CPXM2: variants seen among roughly 807,000 people sequenced by gnomAD.
CPXM2 encodes the protein inactive carboxypeptidase-like protein X2.
A neutral mutation model predicts 86.1 loss-of-function variants in CPXM2; 66 were observed. The ratio of observed to expected loss-of-function variants is 0.77; its 90% CI spans 0.63 to 0.94. CPXM2 has a LOEUF of 0.94. Among genes scored for constraint, CPXM2 ranks in the 40% least tolerant of loss-of-function variants. CPXM2 has a pLI of 0.00. For synonymous variants in CPXM2, 388 were observed against 400.2 expected (o/e 0.97, Z 0.36); for missense variants, 948 against 1,026.3 (o/e 0.92, Z 1.04).
chr10:123,861,120 C>A (rs1007273718), intron 3 of CPXM2, among the ~76,000 whole-genome samples: 7 of 152,258 alleles, frequency 4.6e-5, no homozygotes, highest in Admixed American at 4.6e-4. Context: ...ACAGCAGCTG[C>A]CCCTAGCACA....
chr10:123,917,979 G>A, intron 2 of CPXM2, among the ~76,000 whole-genome samples: 1 of 152,174 alleles, frequency 6.6e-6, no homozygotes, highest in East Asian at 1.9e-4. Flanking sequence ...TTAAAACAGG[G>A]TGATGTGTTC....
chr10:123,837,410 G>A (rs1157140298), intron 4 of CPXM2, among the ~76,000 whole-genome samples: 1 of 152,160 alleles, frequency 6.6e-6, no homozygotes, highest in Admixed American at 6.5e-5. Context: ...AAGATATACA[G>A]AGAATCATTT....
At chr10:123,774,914 G>A (rs752726289) in intron 7 of CPXM2, among the ~76,000 whole-genome samples, 7 of 152,148 alleles carry the variant, frequency 4.6e-5, no homozygotes, top group Non-Finnish European at 5.9e-5. Flanking sequence ...CAGTAATAAC[G>A]TCACCAATTG....
chr10:123,814,363 T>C (rs1241712556), intron 4 of CPXM2, among the ~76,000 whole-genome samples: 2 of 152,200 alleles, frequency 1.3e-5, no homozygotes, highest in Admixed American at 1.3e-4. Context: ...CTGTGCTGGA[T>C]GCTTCCTGCC....
At chr10:123,877,026 A>G (rs567103405) in intron 2 of CPXM2, among the ~76,000 whole-genome samples, 1 of 152,280 alleles carries the variant, frequency 6.6e-6, no homozygotes, top group Admixed American at 6.5e-5. Flanking sequence ...TGCTTGTCCA[A>G]TTCCCTATAG....
intron 2 of CPXM2, among the ~76,000 whole-genome samples, chr10:123,915,097 C>T (rs1945525072): frequency 6.6e-6 from 1 of 152,208 alleles, no homozygotes; most frequent in Non-Finnish European, 1.5e-5. Flanking sequence ...CCGCCTAGAT[C>T]CTTTCAGTTT....
rs568967357 is a variant in CPXM2 at position 123,872,134 on chromosome 10, A to C, written c.403+8077T>G. The stretch of plus-strand genomic sequence containing the variant: ...TAACTGATACAATCAATTTGGAAAA[A>C]TCTCCACCAGTACTTAGTGATACAC... On this transcript the variant is annotated intron_variant, in intron 2 of 13. Coordinates refer to ENST00000241305, the MANE Select transcript of CPXM2 (RefSeq NM_198148.3). Among the ~76,000 whole-genome samples, 10 of 152,276 alleles carry C rather than the reference A, an allele frequency of 6.6e-5. No individual in the cohort carries two copies. In the South Asian group the frequency reaches 2.1e-3, roughly 32 times the overall value.
chr10:123,747,083 C>T (rs1845985422), intron 13 of CPXM2, 66 bp from the exon 14 acceptor site: 4 of 1,558,000 alleles, frequency 2.6e-6, no homozygotes, highest in African/African-American at 1.4e-5. Flanking sequence ...GCCAGCCCTC[C>T]TCCAAGACCA....
At chr10:123,758,368 G>C (rs1846262378) in intron 11 of CPXM2, among the ~76,000 whole-genome samples, 1 of 152,016 alleles carries the variant, frequency 6.6e-6, no homozygotes, top group South Asian at 2.1e-4. Flanking sequence ...GCTTCTGGGG[G>C]CCCCCTGGCA....
Position 123,862,672 on chromosome 10 carries a change from T to C in CPXM2, c.455A>G (p.His152Arg). 2 of 1,614,178 alleles carry C rather than the reference T, an allele frequency of 1.2e-6. No individual in the cohort carries two copies. The highest frequency in any genetic ancestry group is 1.7e-6 in the Non-Finnish European group (2 of 1,180,034). The change falls in exon 3 of 14, where the codon CAT (histidine) becomes CGT (arginine). Residue 152 changes from histidine to arginine, a missense_variant. By Grantham distance (29) the His-to-Arg change is conservative. Coordinates refer to ENST00000241305, the MANE Select transcript of CPXM2 (RefSeq NM_198148.3). ...GCCATAGCGCTTCACCGTGGAGGCA[T>C]GGAGCTGGAAGTCTGTGATTTTTAA... ...ETLKITDFQL[H>R]ASTVKRYGLG...
chr10:123,800,593 C>T (rs191331488), intron 4 of CPXM2, among the ~76,000 whole-genome samples: 1 of 152,040 alleles, frequency 6.6e-6, no homozygotes, highest in Non-Finnish European at 1.5e-5. Flanking sequence ...GGTGATACAG[C>T]AAGACAGACA....
At position 123,757,657 on chromosome 10, in the gene CPXM2, A is replaced by C. The variant is rs147804606; in HGVS notation, c.1778-305T>G. 9.8e-3 allele frequency among the ~76,000 whole-genome samples: 1,495 copies of C among 152,346 alleles called. 30 individuals are homozygous for C. The highest frequency in any genetic ancestry group is 0.034 in the African/African-American group (1,422 of 41,574). On this transcript the variant is annotated intron_variant, in intron 11 of 13. Coordinates refer to ENST00000241305, the MANE Select transcript of CPXM2 (RefSeq NM_198148.3). The stretch of plus-strand genomic sequence containing the variant: ...ATAAAATACTTTATTAAAGTAAAAA[A>C]GTTTAATGCTCCTTTTTGGAGTAAA...
chr10:123,910,645 T>C (rs1345599663), intron 2 of CPXM2, among the ~76,000 whole-genome samples: 3 of 152,194 alleles, frequency 2.0e-5, no homozygotes, highest in Admixed American at 6.5e-5. Flanking sequence ...TGGTGTGAAA[T>C]ACAGGTATGA....
intron 2 of CPXM2, among the ~76,000 whole-genome samples, chr10:123,897,208 G>A (rs939949155): frequency 6.6e-5 from 10 of 151,970 alleles, no homozygotes; most frequent in South Asian, 4.2e-4. Context: ...CATTAGTCTC[G>A]GGAGCCTCAA....
chr10:123,826,608 A>ATATAAAATTATAGTCATAATTTTATGAC (rs1393644731), intron 4 of CPXM2, among the ~76,000 whole-genome samples: 41 of 152,286 alleles, frequency 2.7e-4, no homozygotes, highest in East Asian at 1.9e-3. Flanking sequence ...ATTGAGCATT[A>ATATAAAATTATAGTCATAATTTTATGAC]TATAAAATTA....
intron 2 of CPXM2, among the ~76,000 whole-genome samples, chr10:123,904,329 G>A (rs541778306): frequency 2.0e-5 from 3 of 152,244 alleles, no homozygotes; most frequent in Non-Finnish European, 2.9e-5. Context: ...ACACGCAGGC[G>A]CAGTGGGTAA....
chr10:123,771,066 C>G lies in CPXM2; in HGVS notation c.979-27G>C, dbSNP rs768372217. On this transcript the variant is annotated intron_variant, in intron 7 of 13. Transcript: ENST00000241305. Reference sequence around the variant, plus strand: ...TGAAAAACAAGGTGAATCAAAAACTCTAAGCATTGATGACGATGCACTAAA... The same window carrying G: ...TGAAAAACAAGGTGAATCAAAAACTGTAAGCATTGATGACGATGCACTAAA... 7 of 1,608,304 alleles carry G rather than the reference C, an allele frequency of 4.4e-6. No individual in the cohort carries two copies. The East Asian group carries it at 6.7e-5, about 15-fold the overall frequency.
At chr10:123,773,702 C>CATTG (rs1846713082) in intron 7 of CPXM2, among the ~76,000 whole-genome samples, 1 of 152,168 alleles carries the variant, frequency 6.6e-6, no homozygotes. Context: ...GTCAGCAGAG[C>CATTG]ATTGGGTCAC....
chr10:123,886,782 T>C (rs1423718388), intron 1 of CPXM2, among the ~76,000 whole-genome samples: 1 of 152,232 alleles, frequency 6.6e-6, no homozygotes, highest in Admixed American at 6.5e-5. Flanking sequence ...GTTCAGCTTA[T>C]TATTTGATTT....
Sources: allele counts gnomAD v4.1 joint callset (sites outside exome capture counted in the v4.1 genomes callset), GRCh38; gene constraint gnomAD v4.1.1; transcripts MANE v1.5; gene names NCBI Gene and HGNC (gene_info 2026-07-23, HGNC 2026-07-21).